The following FGFR2 variants were observed in gnomAD, a reference collection of about 807,000 sequenced individuals.
FGFR2 encodes the protein fibroblast growth factor receptor 2.
In FGFR2, 19 loss-of-function variants were observed where a neutral mutation model predicts 95.9. That is an observed-to-expected ratio of 0.20 (90% CI 0.14 to 0.29). The LOEUF (loss-of-function observed/expected upper bound fraction) is 0.29, where lower values mean the gene tolerates loss of function less well. Among genes scored for constraint, FGFR2 ranks in the 10% least tolerant of loss-of-function variants. The pLI, the probability that FGFR2 is intolerant of heterozygous loss-of-function variation, is 1.00. For synonymous variants in FGFR2, 392 were observed against 393.3 expected, an observed-to-expected ratio of 1.00 and a Z score of 0.04; for missense variants, 707 against 1,056.9, an observed-to-expected ratio of 0.67 and a Z score of 4.59.
rs199937788 is a variant in FGFR2 at position 121,520,002 on chromosome 10, G to C, written c.916C>G (p.Leu306Val). ...ACCTTGAGAACCTTGAGGTAGGGCA[G>C]CCCGTCGGGCCCGTATTTACTGCCG... is the stretch of plus-strand genomic sequence containing the variant. ...KNGSKYGPDG[L>V]PYLKVLKAAG... is the part of the protein sequence containing the mutation. Residue 306 changes from leucine (L) to valine (V), a missense_variant, in exon 7 of 18, where the codon CTG becomes GTG. By Grantham distance (32) the Leu-to-Val change is conservative. Around this residue, in one of 7 missense-constraint regions of FGFR2, gnomAD observed 139 missense variants for 278.1 expected, o/e 0.50. Transcript: ENST00000358487. The C allele has an allele frequency of 6.2e-7, 1 of 1,614,210 alleles. No individual in the cohort carries two copies. Among genetic ancestry groups the C allele is most frequent in the Non-Finnish European group, 8.5e-7 (1 of 1,180,026 alleles).
intron 4 of FGFR2, among the ~76,000 whole-genome samples, chr10:121,559,971 G>A (rs1272185667): frequency 6.6e-6 from 1 of 152,134 alleles, no homozygotes; most frequent in Non-Finnish European, 1.5e-5. Context: ...CCAGGACAAC[G>A]CAGTTCCCCA....
intron 13 of FGFR2, among the ~76,000 whole-genome samples, chr10:121,488,458 T>A (rs1205719191): frequency 3.3e-5 from 5 of 150,078 alleles, no homozygotes; most frequent in Non-Finnish European, 7.4e-5. Flanking sequence ...CAAGAATCAC[T>A]TGAACCTGGG....
At chr10:121,494,476 G>A (rs996640759) in intron 13 of FGFR2, among the ~76,000 whole-genome samples, 3 of 152,062 alleles carry the variant, frequency 2.0e-5, no homozygotes, top group Non-Finnish European at 2.9e-5. Context: ...CCTGCTGGGT[G>A]CAAAACTGCT....
chr10:121,515,080 G>A (rs1367967714), intron 9 of FGFR2, 37 bp downstream of exon 9: 1 of 1,597,128 alleles, frequency 6.3e-7, no homozygotes. Context: ...GGGTCATGGG[G>A]GAGGAGTAAA....
intron 11 of FGFR2, among the ~76,000 whole-genome samples, chr10:121,499,707 C>T (rs1847342600): frequency 1.3e-5 from 2 of 152,358 alleles, no homozygotes; most frequent in African/African-American, 2.4e-5. Context: ...CTCCCCACAC[C>T]TGGCCCTGGT....
chr10:121,598,446 TCCAGCCGCCGCCCGCGCCGCCG>T (rs1863759611), upstream of FGFR2: 1 of 159,568 alleles, frequency 6.3e-6, no homozygotes, highest in South Asian at 1.7e-4. Context: ...CGCGCTCTCC[TCCAGCCGCCGCCCGCGCCGCCG>T]CCGCCGCCCC....
At chr10:121,501,929 A>C (rs1847656113) in intron 10 of FGFR2, among the ~76,000 whole-genome samples, 1 of 152,240 alleles carries the variant, frequency 6.6e-6, no homozygotes, top group African/African-American at 2.4e-5. Context: ...CTTTCTTTGT[A>C]TAACTTCTGC....
intron 13 of FGFR2, among the ~76,000 whole-genome samples, chr10:121,491,468 C>T (rs1398478658): frequency 6.6e-6 from 1 of 152,160 alleles, no homozygotes; most frequent in Non-Finnish European, 1.5e-5. Flanking sequence ...ATGATGTAGA[C>T]AGTATGCCCT....
intron 9 of FGFR2, among the ~76,000 whole-genome samples, chr10:121,504,233 G>A (rs772266960): frequency 3.9e-5 from 6 of 152,270 alleles, no homozygotes; most frequent in East Asian, 3.9e-4. Flanking sequence ...CCTCCAGAGA[G>A]TCACTTGAGG....
intron 5 of FGFR2, among the ~76,000 whole-genome samples, chr10:121,546,848 T>A (rs1240735180): frequency 1.3e-5 from 2 of 152,186 alleles, no homozygotes; most frequent in Non-Finnish European, 2.9e-5. Flanking sequence ...ATAACACACA[T>A]TTGTTTGAAG....
chr10:121,595,513 G>A (rs1359329908), intron 1 of FGFR2, among the ~76,000 whole-genome samples: 2 of 152,074 alleles, frequency 1.3e-5, no homozygotes, highest in Non-Finnish European at 2.9e-5. Flanking sequence ...GTGCGTGCAC[G>A]GTGTGTGCAT....
intron 9 of FGFR2, among the ~76,000 whole-genome samples, chr10:121,504,962 A>G (rs1848089125): frequency 6.6e-6 from 1 of 152,204 alleles, no homozygotes; most frequent in Non-Finnish European, 1.5e-5. Flanking sequence ...CCAAGAGAAC[A>G]AGAATGTGAA....
chr10:121,577,178 T>TATATATATATATATAGAG, intron 2 of FGFR2, among the ~76,000 whole-genome samples: 3 of 5,212 alleles, frequency 5.8e-4, no homozygotes, highest in African/African-American at 7.8e-4. Flanking sequence ...TATATATATA[T>TATATATATATATATAGAG]AGAGAGAGAG....
chr10:121,545,093 T>C (rs1046519621), intron 5 of FGFR2, among the ~76,000 whole-genome samples: 1 of 152,072 alleles, frequency 6.6e-6, no homozygotes, highest in Non-Finnish European at 1.5e-5. Context: ...CACTGAGCCA[T>C]GTTCGTACCA....
intron 9 of FGFR2, among the ~76,000 whole-genome samples, chr10:121,511,434 C>CA (rs1849047099): frequency 6.6e-6 from 1 of 152,160 alleles, no homozygotes. Flanking sequence ...ATCCTCCACC[C>CA]ACCCCTACAC....
At position 121,531,967 on chromosome 10, in the gene FGFR2, G is replaced by A. The variant is rs1364979513; in HGVS notation, c.748+6625C>T. 2.0e-5 allele frequency among the ~76,000 whole-genome samples: 3 copies of A among 152,110 alleles called. No homozygotes were observed. The highest frequency in any genetic ancestry group is 4.4e-5 in the Non-Finnish European group (3 of 68,024). ...AATAAGCCCACTTAGAAAGGCTGTC[G>A]CTGTGACCCATTACCTGGCACGCCA... On this transcript the variant is annotated intron_variant, in intron 6 of 17. Coordinates refer to ENST00000358487, the MANE Select transcript of FGFR2 (RefSeq NM_000141.5). The surrounding 1 kb of genome is among the most constrained non-coding windows in gnomAD (Gnocchi z 4.5).
At chr10:121,540,504 T>A (rs1853551370) in intron 5 of FGFR2, among the ~76,000 whole-genome samples, 1 of 152,160 alleles carries the variant, frequency 6.6e-6, no homozygotes, top group African/African-American at 2.4e-5. Flanking sequence ...ACCTAAATCC[T>A]GGATCCCTGG....
Position 121,574,894 on chromosome 10 carries a change from A to T in FGFR2, c.110-9190T>A, listed in dbSNP as rs148600216. Among the ~76,000 whole-genome samples, 313 of 152,368 alleles carry T rather than the reference A, an allele frequency of 2.1e-3. 1 individual carries two copies. The highest frequency in any genetic ancestry group is 8.3e-3 in the South Asian group (40 of 4,828). On this transcript the variant is annotated intron_variant, in intron 2 of 17. Coordinates refer to ENST00000358487, the MANE Select transcript of FGFR2 (RefSeq NM_000141.5). ...TCAAAGCAACAAACAACAGATAAGT[A>T]CGCAGGATGAAAGGGTGCAGTCCTC...
chr10:121,540,925 A>G (rs1015206138), intron 5 of FGFR2, among the ~76,000 whole-genome samples: 11 of 152,104 alleles, frequency 7.2e-5, no homozygotes, highest in Admixed American at 6.5e-5. Context: ...CAGGGAGGGG[A>G]CATCGCCTGA....
Sources: allele counts gnomAD v4.1 joint callset (sites outside exome capture counted in the v4.1 genomes callset), GRCh38; gene constraint gnomAD v4.1.1; regional missense constraint gnomAD v4.1.1; non-coding constraint Gnocchi (gnomAD v3.1); transcripts MANE v1.5; gene names NCBI Gene and HGNC (gene_info 2026-07-23, HGNC 2026-07-21).